The following SPECC1L variants were observed in gnomAD, a reference collection of about 807,000 sequenced individuals.
The protein encoded by SPECC1L is sperm antigen with calponin homology and coiled-coil domains 1 like, also known as cytospin-A.
A neutral mutation model predicts 116.8 loss-of-function variants in SPECC1L; 40 were observed. The ratio of observed to expected loss-of-function variants is 0.34; its 90% CI spans 0.27 to 0.45. The LOEUF (loss-of-function observed/expected upper bound fraction) is 0.45. Among genes scored for constraint, SPECC1L ranks in the 20% least tolerant of loss-of-function variants. SPECC1L has a pLI of 1.00. For missense variants in SPECC1L, 1,110 were observed against 1,373.6 expected, an observed-to-expected ratio of 0.81 and a Z score of 3.03; for synonymous variants, 504 against 500.6, an observed-to-expected ratio of 1.01 and a Z score of -0.09.
intron 14 of SPECC1L, among the ~76,000 whole-genome samples, chr22:24,399,592 T>G (rs2042432478): frequency 6.6e-6 from 1 of 152,032 alleles, no homozygotes; most frequent in Non-Finnish European, 1.5e-5. Flanking sequence ...AAAAAAAAGT[T>G]AAAGCATATT....
chr22:24,363,377 TG>T (rs1192299740), intron 12 of SPECC1L, 33 bp downstream of exon 12: 1 of 1,586,492 alleles, frequency 6.3e-7, no homozygotes, highest in East Asian at 2.2e-5. Context: ...TTGTTGTATT[TG>T]TTGTTTTTTA....
intron 11 of SPECC1L, 53 bp downstream of exon 11, chr22:24,347,229 C>A (rs1177655189): frequency 1.4e-6 from 2 of 1,439,010 alleles, no homozygotes; most frequent in Admixed American, 1.7e-5. Flanking sequence ...TTGAATTGTT[C>A]TGGCTTTTTT....
chr22:24,329,771 T>TC (rs2040902460), intron 7 of SPECC1L, among the ~76,000 whole-genome samples: 1 of 152,192 alleles, frequency 6.6e-6, no homozygotes, highest in South Asian at 2.1e-4. Context: ...GTGTTTTTCT[T>TC]CTGGCTTCCT....
intron 14 of SPECC1L, among the ~76,000 whole-genome samples, chr22:24,375,947 C>T (rs1193720435): frequency 6.6e-6 from 1 of 151,390 alleles, no homozygotes; most frequent in Admixed American, 6.6e-5. Flanking sequence ...GAGACTCTGT[C>T]TCAAAACAAA....
rs200885095 is a variant in SPECC1L, at chr22:24,338,484, G to T, written c.2652+7G>T. 4 of 1,613,634 alleles carry T rather than the reference G, an allele frequency of 2.5e-6. No individual in the cohort carries two copies. Among genetic ancestry groups the T allele is most frequent in the Admixed American group, 3.3e-5 (2 of 60,024 alleles). ...AGCTGTGTCCCCTATGCAGGTGAGT[G>T]CCTGGAACCACAGGAGGCTCTTAGA... On this transcript the variant is annotated splice_region_variant and intron_variant, in intron 10 of 16. Coordinates refer to ENST00000314328, the MANE Select transcript of SPECC1L (RefSeq NM_015330.6).
chr22:24,389,351 G>A (rs990668803), intron 14 of SPECC1L, among the ~76,000 whole-genome samples: 128 of 152,038 alleles, frequency 8.4e-4, no homozygotes, highest in African/African-American at 3.0e-3. Context: ...TTGACCTCAG[G>A]TGATCCACCC....
chr22:24,310,623 A>T (rs1394094782), intron 3 of SPECC1L, among the ~76,000 whole-genome samples: 1 of 151,122 alleles, frequency 6.6e-6, no homozygotes, highest in Non-Finnish European at 1.5e-5. Context: ...GTGTTTGTAA[A>T]CTGATTGTGT....
intron 4 of SPECC1L, among the ~76,000 whole-genome samples, chr22:24,320,613 C>T (rs1327398562): frequency 6.6e-6 from 1 of 152,180 alleles, no homozygotes; most frequent in Admixed American, 6.5e-5. Context: ...GATAATAGCA[C>T]CTACCTCACG....
chr22:24,408,613 G>C (rs1297337619), intron 14 of SPECC1L, among the ~76,000 whole-genome samples: 2 of 152,242 alleles, frequency 1.3e-5, no homozygotes, highest in African/African-American at 2.4e-5. Context: ...GCAGGTTTGC[G>C]TTTCCTCGTT....
intron 11 of SPECC1L, among the ~76,000 whole-genome samples, chr22:24,359,992 G>A (rs922664715): frequency 1.3e-5 from 2 of 152,142 alleles, no homozygotes; most frequent in South Asian, 2.1e-4. Context: ...TTCCATGAGA[G>A]CAAGTTTCCT....
rs549276152 is a variant in SPECC1L, at chr22:24,361,152, C to T, written c.2744-2109C>T. Among the ~76,000 whole-genome samples, 7 of 152,256 alleles carry T rather than the reference C, an allele frequency of 4.6e-5. No homozygotes were observed. The East Asian group carries it at 1.4e-3, about 29-fold the overall frequency. ...GTGGCTCATGCCTGTAATCCCAGCA[C>T]TTTGGGAGGCCAAGATGGGAGGATT... is the stretch of plus-strand genomic sequence containing the variant. On this transcript the variant is annotated intron_variant, in intron 11 of 16. Transcript: ENST00000314328.
intron 14 of SPECC1L, among the ~76,000 whole-genome samples, chr22:24,382,547 C>G (rs1470637723): frequency 1.3e-5 from 2 of 151,730 alleles, no homozygotes; most frequent in East Asian, 3.9e-4. Context: ...TACTAAAATA[C>G]AAAAAATGAG....
At chr22:24,303,844 GGTGTGTGTGTGTGTGTGTGTGT>G (rs3031935) in intron 3 of SPECC1L, among the ~76,000 whole-genome samples, 2 of 143,990 alleles carry the variant, frequency 1.4e-5, no homozygotes, top group Admixed American at 1.4e-4. Flanking sequence ...GTTTAAATAG[GGTGTGTGTGTGTGTGTGTGTGT>G]GTGTGTGTGT....
At chr22:24,401,102 C>T (rs2042465381) in intron 14 of SPECC1L, among the ~76,000 whole-genome samples, 1 of 152,196 alleles carries the variant, frequency 6.6e-6, no homozygotes, top group Non-Finnish European at 1.5e-5. Context: ...AATGTCACCA[C>T]ACACTTAGAG....
chr22:24,348,983 G>A (rs1225320154), intron 11 of SPECC1L, among the ~76,000 whole-genome samples: 1 of 151,990 alleles, frequency 6.6e-6, no homozygotes, highest in Non-Finnish European at 1.5e-5. Flanking sequence ...CCACACTCTT[G>A]TGCCTTCTCT....
At chr22:24,290,384 C>T (rs1342189856) in intron 2 of SPECC1L, among the ~76,000 whole-genome samples, 19 of 152,090 alleles carry the variant, frequency 1.2e-4, no homozygotes. Flanking sequence ...AAGTCATAAC[C>T]GATATCGTTG....
intron 10 of SPECC1L, among the ~76,000 whole-genome samples, chr22:24,340,380 C>G (rs569285097): frequency 6.6e-6 from 1 of 152,210 alleles, no homozygotes; most frequent in African/African-American, 2.4e-5. Flanking sequence ...TTCCTGACCT[C>G]AAGCAATCTG....
intron 14 of SPECC1L, among the ~76,000 whole-genome samples, chr22:24,370,235 T>C (rs1424298950): frequency 6.6e-6 from 1 of 152,246 alleles, no homozygotes; most frequent in Non-Finnish European, 1.5e-5. Flanking sequence ...GTGATGATCC[T>C]CAACTCATTT....
intron 14 of SPECC1L, among the ~76,000 whole-genome samples, chr22:24,393,856 C>T (rs1020064511): frequency 5.3e-5 from 8 of 152,282 alleles, no homozygotes; most frequent in South Asian, 2.1e-4. Context: ...CCCACATTTC[C>T]CATCCCCACA....
Sources: allele counts gnomAD v4.1 joint callset (sites outside exome capture counted in the v4.1 genomes callset), GRCh38; gene constraint gnomAD v4.1.1; transcripts MANE v1.5; gene names NCBI Gene and HGNC (gene_info 2026-07-23, HGNC 2026-07-21).